Variants in USP24 observed in about 807,000 individuals in gnomAD.
The protein encoded by USP24 is ubiquitin carboxyl-terminal hydrolase 24.
Under a neutral mutation model 361.6 loss-of-function variants are expected in USP24, and 97 were observed. The ratio of observed to expected loss-of-function variants is 0.27; its 90% confidence interval spans 0.23 to 0.32. USP24 has a LOEUF of 0.32. Ranked by LOEUF, USP24 falls within the 10% of genes least tolerant of loss-of-function variation. USP24 has a pLI of 1.00. For missense variants in USP24, 2,353 were observed against 3,165.6 expected, an observed-to-expected ratio of 0.74 and a Z score of 6.16; for synonymous variants, 1,098 against 1,124.6, an observed-to-expected ratio of 0.98 and a Z score of 0.47.
At chr1:55,129,686 A>G (rs1242764671) in intron 31 of USP24, 112 bp from the exon 32 acceptor site, 2 of 720,652 alleles carry the variant, frequency 2.8e-6, no homozygotes, top group Non-Finnish European at 4.5e-6. Context: ...AATGTTGCAC[A>G]CTGTTTTTCC....
chr1:55,096,836 GA>G (rs1245904942), intron 49 of USP24, 115 bp downstream of exon 49: 40 of 1,391,700 alleles, frequency 2.9e-5, no homozygotes, highest in Non-Finnish European at 3.9e-5. Flanking sequence ...ACTTCAAAAT[GA>G]AACACAGTCA....
chr1:55,157,823 G>C (rs1570570885), intron 10 of USP24, among the ~76,000 whole-genome samples: 1 of 142,998 alleles, frequency 7.0e-6, no homozygotes, highest in African/African-American at 2.6e-5. Flanking sequence ...GACAGAGCGA[G>C]ACTCCATCTC....
chr1:55,102,104 A>T (rs1645650197), intron 42 of USP24, among the ~76,000 whole-genome samples: 1 of 152,148 alleles, frequency 6.6e-6, no homozygotes, highest in Non-Finnish European at 1.5e-5. Flanking sequence ...AGGCATAATC[A>T]AGCAAATGTC....
At chr1:55,137,294 C>T (rs77799591) in intron 28 of USP24, among the ~76,000 whole-genome samples, 7,210 of 152,208 alleles carry the variant, frequency 0.047, 462 homozygotes, top group African/African-American at 0.14. Flanking sequence ...GAAACGAGTT[C>T]AGACAACTGT....
chr1:55,207,876 A>T (rs1644752033), intron 1 of USP24, among the ~76,000 whole-genome samples: 1 of 152,236 alleles, frequency 6.6e-6, no homozygotes, highest in South Asian at 2.1e-4. Context: ...AGGAAAGCAA[A>T]TTGTGTGCTG....
chr1:55,195,378 G>A (rs916125095), intron 1 of USP24, among the ~76,000 whole-genome samples: 5 of 152,236 alleles, frequency 3.3e-5, no homozygotes, highest in East Asian at 1.9e-4. Flanking sequence ...ATTTTCGAGC[G>A]TTGAGATTCC....
At chr1:55,195,061 C>CA (rs1169215998) in intron 1 of USP24, among the ~76,000 whole-genome samples, 1 of 151,904 alleles carries the variant, frequency 6.6e-6, no homozygotes, top group East Asian at 1.9e-4. Flanking sequence ...CAACCCAAAC[C>CA]AAAAAAAGGA....
At chr1:55,213,274 T>A (rs1226073539) in intron 1 of USP24, among the ~76,000 whole-genome samples, 1 of 152,120 alleles carries the variant, frequency 6.6e-6, no homozygotes, top group Non-Finnish European at 1.5e-5. Context: ...TTAAAAAAAT[T>A]CCCAAACTAG....
chr1:55,125,582 C>A (rs1228537153), intron 33 of USP24, 34 bp from the exon 34 acceptor site: 2 of 1,592,530 alleles, frequency 1.3e-6, no homozygotes, highest in Admixed American at 3.5e-5. Context: ...ATTCTGAGTC[C>A]ATTCATACTA....
chr1:55,070,388 G>C (rs567116881), intron 67 of USP24, among the ~76,000 whole-genome samples: 4 of 152,210 alleles, frequency 2.6e-5, no homozygotes, highest in Non-Finnish European at 4.4e-5. Flanking sequence ...GAAGGAGACA[G>C]AGAAGGAACA....
Position 55,097,051 on chromosome 1 carries a change from T to A in USP24, c.5837A>T (p.Lys1946Ile), listed in dbSNP as rs972778533. 2 of 1,613,952 alleles carry A rather than the reference T, an allele frequency of 1.2e-6. No individual in the cohort carries two copies. Among genetic ancestry groups the A allele is most frequent in the African/African-American group, 1.3e-5 (1 of 75,046 alleles). Residue 1946 changes from lysine to isoleucine, a missense_variant, in exon 49 of 68, where the codon AAA becomes ATA. Coordinates refer to ENST00000294383, the MANE Select transcript of USP24 (RefSeq NM_015306.3). The part of the protein sequence containing the change: ...VDQGGGGSPR[K>I]KVALTENYEL... ...ATAGTTTTCTGTGAGGGCAACCTTTTTTCGTGGGGATCCTCCACCGCCCTG... is the reference window on the plus strand; with the variant it reads ...ATAGTTTTCTGTGAGGGCAACCTTTATTCGTGGGGATCCTCCACCGCCCTG...
chr1:55,096,372 T>G, intron 50 of USP24, 126 bp downstream of exon 50: 1 of 782,604 alleles, frequency 1.3e-6, no homozygotes, highest in Non-Finnish European at 1.8e-6. Flanking sequence ...ATGGTTCTAT[T>G]GCTAGAACAG....
intron 18 of USP24, among the ~76,000 whole-genome samples, 195 bp from the exon 19 acceptor site, chr1:55,147,255 T>G (rs946933464): frequency 5.3e-5 from 8 of 152,210 alleles, no homozygotes; most frequent in Non-Finnish European, 4.4e-5. Flanking sequence ...ATCTCAAGTC[T>G]ATTAGAAATT....
chr1:55,159,863 T>C (rs1648089314), intron 8 of USP24, among the ~76,000 whole-genome samples, 178 bp from the exon 9 acceptor site: 1 of 152,242 alleles, frequency 6.6e-6, no homozygotes, highest in South Asian at 2.1e-4. Flanking sequence ...TGACTCTGCT[T>C]AATCTTAGGT....
intron 39 of USP24, among the ~76,000 whole-genome samples, chr1:55,108,179 AT>A (rs1394807446): frequency 6.6e-6 from 1 of 152,204 alleles, no homozygotes; most frequent in Non-Finnish European, 1.5e-5. Flanking sequence ...GCAAAGGAGA[AT>A]GAGGTCAGAA....
intron 19 of USP24, 127 bp downstream of exon 19, chr1:55,146,802 A>G: frequency 3.8e-6 from 4 of 1,062,456 alleles, no homozygotes; most frequent in Non-Finnish European, 3.9e-6. Flanking sequence ...TTCAGCACTT[A>G]CAGTTCTTGG....
Position 55,092,114 on chromosome 1 carries a change from G to A in USP24, c.6463C>T (p.His2155Tyr). 1.2e-6 allele frequency: 2 copies of A among 1,609,794 alleles called. No homozygotes were observed. The highest frequency in any genetic ancestry group is 8.5e-7 in the Non-Finnish European group (1 of 1,177,976). Residue 2155 changes from histidine to tyrosine, a missense_variant, in exon 54 of 68, where the codon CAT (histidine) becomes TAT (tyrosine). Physicochemically the swap from His to Tyr is moderately conservative, Grantham distance 83. Transcript: ENST00000294383. ...LASLNATKLKHPYYPCMAKVS... is the reference protein window; with the variant it reads ...LASLNATKLKYPYYPCMAKVS... ...TTTGCCATGCAAGGATAATATGGAT[G>A]CTTTAATTTAGTCTAAGAGAGGGAA... is the stretch of plus-strand genomic sequence containing the variant.
chr1:55,167,417 G>A (rs891869412), intron 5 of USP24, among the ~76,000 whole-genome samples: 6 of 152,264 alleles, frequency 3.9e-5, no homozygotes, highest in South Asian at 2.1e-4. Flanking sequence ...GCTGGGACAC[G>A]GTGAGCCAGG....
chr1:55,172,408 A>T lies in USP24; in HGVS notation c.671T>A (p.Ile224Asn). 6.2e-7 allele frequency: 1 copy of T among 1,613,266 alleles called. No individual in the cohort carries two copies. Among genetic ancestry groups the T allele is most frequent in the Non-Finnish European group, 8.5e-7 (1 of 1,179,538 alleles). ...LVAERIKQDP[I>N]PTGLLGVLTM... ...AAGCACACCCAGGAGACCAGTGGGA[A>T]TTGGATCTTGTTTTATTCTCTCTGC... Residue 224 changes from isoleucine to asparagine, a missense_variant, in exon 4 of 68, where the codon ATT becomes AAT. Physicochemically the swap from Ile to Asn is moderately radical, Grantham distance 149 (BLOSUM62 -3). This residue lies in a region of USP24 where 386 missense variants were observed against 560.5 expected (regional missense o/e 0.69). Coordinates refer to ENST00000294383, the MANE Select transcript of USP24 (RefSeq NM_015306.3).
Sources: allele counts gnomAD v4.1 joint callset (sites outside exome capture counted in the v4.1 genomes callset), GRCh38; gene constraint gnomAD v4.1.1; regional missense constraint gnomAD v4.1.1; transcripts MANE v1.5; gene names NCBI Gene and HGNC (gene_info 2026-07-23, HGNC 2026-07-21).